The following RIMS1 variants were observed in gnomAD, a reference collection of about 807,000 sequenced individuals.
RIMS1 encodes regulating synaptic membrane exocytosis 1.
Under a neutral mutation model 214.1 loss-of-function variants are expected in RIMS1, and 83 were observed. That is an observed-to-expected ratio of 0.39 (90% CI 0.32 to 0.47). The LOEUF (loss-of-function observed/expected upper bound fraction) is 0.47, where lower values mean the gene tolerates loss of function less well. Among genes scored for constraint, RIMS1 ranks in the 20% least tolerant of loss-of-function variants. RIMS1 has a pLI of 0.99. For missense variants in RIMS1, 2,050 were observed against 2,161.8 expected, an observed-to-expected ratio of 0.95 and a Z score of 1.03; for synonymous variants, 793 against 786.8, an observed-to-expected ratio of 1.01 and a Z score of -0.13.
At chr6:72,091,272 G>T (rs1325662660) in intron 2 of RIMS1, among the ~76,000 whole-genome samples, 2 of 152,084 alleles carry the variant, frequency 1.3e-5, no homozygotes, top group Non-Finnish European at 1.5e-5. Context: ...GAAAAATCCA[G>T]TTCTATTTGC....
chr6:72,115,728 T>C (rs886889248), intron 4 of RIMS1, among the ~76,000 whole-genome samples: 4 of 151,918 alleles, frequency 2.6e-5, no homozygotes, highest in Non-Finnish European at 1.5e-5. Context: ...TAATATTATT[T>C]AATGTATGGT....
chr6:72,110,610 A>T (rs2153819319), intron 4 of RIMS1, among the ~76,000 whole-genome samples: 1 of 149,422 alleles, frequency 6.7e-6, no homozygotes, highest in Middle Eastern at 3.4e-3. Flanking sequence ...GGGCTGAGAC[A>T]ATGGGGTTTT....
intron 6 of RIMS1, chr6:72,217,062 G>A (rs2056414595): frequency 1.4e-6 from 2 of 1,480,652 alleles, no homozygotes; most frequent in African/African-American, 2.8e-5. Flanking sequence ...GGACCACAGG[G>A]AATTTTATTT....
chr6:71,967,489 T>A (rs1294285594), intron 1 of RIMS1, among the ~76,000 whole-genome samples: 1 of 152,226 alleles, frequency 6.6e-6, no homozygotes, highest in Non-Finnish European at 1.5e-5. Flanking sequence ...ACATTTTAGC[T>A]TGTGTAAGTT....
intron 2 of RIMS1, among the ~76,000 whole-genome samples, chr6:72,089,974 A>G: frequency 7.3e-6 from 1 of 136,364 alleles, no homozygotes; most frequent in Non-Finnish European, 1.5e-5. Flanking sequence ...GAACAATGAG[A>G]TCACATGGAC....
intron 6 of RIMS1, among the ~76,000 whole-genome samples, chr6:72,201,299 G>A (rs183304707): frequency 6.4e-4 from 98 of 152,272 alleles, no homozygotes; most frequent in Non-Finnish European, 6.5e-4. Context: ...TTAAAAAGAT[G>A]TGTAACTAAA....
chr6:72,182,300 C>A lies in RIMS1; in HGVS notation c.829C>A (p.Leu277Ile). Residue 277 changes from leucine to isoleucine, a missense_variant, in exon 6 of 34, where the codon CTT becomes ATT. Physicochemically the swap from Leu to Ile is conservative, Grantham distance 5. Transcript: ENST00000521978. ...PPRERKKTPGLSEQNGKGALK... is the reference protein window; with the variant it reads ...PPRERKKTPGISEQNGKGALK... Reference sequence around the variant, plus strand: ...ATATCATAGAAAGAAGACCCCAGGGCTTTCCGAGCAGAATGGCAAAGGAGC... The same window carrying A: ...ATATCATAGAAAGAAGACCCCAGGGATTTCCGAGCAGAATGGCAAAGGAGC... 6.3e-7 allele frequency: 1 copy of A among 1,595,522 alleles called. No individual in the cohort carries two copies. The highest frequency in any genetic ancestry group is 8.5e-7 in the Non-Finnish European group (1 of 1,172,196).
chr6:72,065,925 GA>G (rs11396474), intron 2 of RIMS1, among the ~76,000 whole-genome samples: 596 of 112,718 alleles, frequency 5.3e-3, no homozygotes, highest in East Asian at 7.4e-3. Flanking sequence ...ATGAGAAGCC[GA>G]AAAAAAAAAA....
intron 23 of RIMS1, among the ~76,000 whole-genome samples, 177 bp downstream of exon 23, chr6:72,274,609 T>C (rs2085221695): frequency 2.6e-5 from 4 of 152,218 alleles, no homozygotes. Flanking sequence ...GAAATGAGGA[T>C]AGCATACAAA....
At chr6:72,169,913 A>G (rs1247250851) in intron 4 of RIMS1, among the ~76,000 whole-genome samples, 1 of 152,126 alleles carries the variant, frequency 6.6e-6, no homozygotes, top group Admixed American at 6.5e-5. Context: ...CCTGTCTCAA[A>G]AACAAAACAT....
chr6:72,339,480 T>G (rs955653136), intron 29 of RIMS1, among the ~76,000 whole-genome samples: 5 of 151,596 alleles, frequency 3.3e-5, no homozygotes, highest in African/African-American at 7.3e-5. Context: ...TCCCCTTCCT[T>G]TGTCCATGTG....
chr6:71,954,049 T>A (rs761178), intron 1 of RIMS1, among the ~76,000 whole-genome samples: 1 of 152,066 alleles, frequency 6.6e-6, no homozygotes, highest in Non-Finnish European at 1.5e-5. Flanking sequence ...CTTTCATGAC[T>A]TTTTTTTGCC....
rs769452672 is a variant in RIMS1 at position 72,333,681 on chromosome 6, G to A, written c.4212G>A (p.Glu1404=). 2 of 1,595,526 alleles carry A rather than the reference G, an allele frequency of 1.3e-6. No individual in the cohort carries two copies. The highest frequency in any genetic ancestry group is 2.3e-5 in the South Asian group (2 of 87,876). Residue 1404 remains glutamate (E), a synonymous_variant, in exon 29 of 34, where the codon GAG becomes GAA. Coordinates refer to ENST00000521978, the MANE Select transcript of RIMS1 (RefSeq NM_014989.7). ...SIMKSTSVSG[E]MYTLEHNDGS... The stretch of plus-strand genomic sequence containing the variant: ...TGAAGAGCACCAGTGTCAGTGGAGA[G>A]ATGTACACACTGGAGCATAATGACG...
intron 1 of RIMS1, among the ~76,000 whole-genome samples, chr6:71,956,102 A>G (rs1007856842): frequency 5.9e-5 from 9 of 152,234 alleles, no homozygotes; most frequent in Admixed American, 4.6e-4. Context: ...AAATATATAT[A>G]TATATGAAAT....
intron 29 of RIMS1, among the ~76,000 whole-genome samples, chr6:72,352,452 A>T (rs907701173): frequency 9.2e-5 from 14 of 152,224 alleles, no homozygotes; most frequent in African/African-American, 2.9e-4. Context: ...GGTAGAATTT[A>T]TTCTTAGCCA....
In RIMS1 at chr6:72,027,126, T is replaced by A. The variant is rs572064349; in HGVS notation, c.245+58063T>A. Among the ~76,000 whole-genome samples the A allele has an allele frequency of 7.2e-5, 11 of 152,288 alleles. No homozygotes were observed. In the East Asian group the frequency reaches 1.5e-3, roughly 21 times the overall value. ...TTATTTGGACAGGCAAGACTTTTTT[T>A]ATTGTGTAATGTGACCCCTTAATTT... On this transcript the variant is annotated intron_variant, in intron 2 of 33. Transcript: ENST00000521978.
intron 29 of RIMS1, among the ~76,000 whole-genome samples, chr6:72,384,949 G>A (rs2098558241): frequency 6.6e-6 from 1 of 152,152 alleles, no homozygotes; most frequent in Non-Finnish European, 1.5e-5. Context: ...AGCAAAGAGA[G>A]AAAGAGTTCA....
intron 2 of RIMS1, among the ~76,000 whole-genome samples, chr6:71,995,975 C>T (rs1253508963): frequency 2.0e-5 from 3 of 151,984 alleles, no homozygotes; most frequent in Admixed American, 6.6e-5. Flanking sequence ...TTAATAGAGA[C>T]GGAATTTCAT....
At chr6:72,098,289 C>CTTTTTTTTTTTTTTTTTTTT (rs58934201) in intron 3 of RIMS1, among the ~76,000 whole-genome samples, 1 of 143,346 alleles carries the variant, frequency 7.0e-6, no homozygotes. Context: ...ATCAATATAT[C>CTTTTTTTTTTTTTTTTTTTT]TTTTTTTTTT....
Sources: gnomAD v4.1 joint callset for allele counts (sites outside exome capture counted in the v4.1 genomes callset) on GRCh38, gnomAD v4.1.1 for gene constraint, MANE v1.5 for transcripts, NCBI Gene and HGNC (gene_info 2026-07-23, HGNC 2026-07-21) for gene names.